RAD52: variants seen among roughly 807,000 people sequenced by gnomAD.
RAD52 encodes the protein RAD52 DNA repair protein.
A neutral mutation model predicts 55.5 loss-of-function variants in RAD52; 47 were observed. That is an observed-to-expected ratio of 0.85 (90% confidence interval 0.67 to 1.08). The LOEUF (loss-of-function observed/expected upper bound fraction) is 1.08. RAD52 is among the 50% of genes least tolerant of loss of function. RAD52 has a pLI of 0.00. For synonymous variants in RAD52, 184 were observed against 198.9 expected (o/e 0.92, Z 0.63); for missense variants, 468 against 522.8 (o/e 0.90, Z 1.02).
At chr12:920,450 A>G (rs572830714) in intron 7 of RAD52, among the ~76,000 whole-genome samples, 19 of 149,030 alleles carry the variant, frequency 1.3e-4, no homozygotes, top group African/African-American at 2.0e-4. Flanking sequence ...CCAGCTACTC[A>G]GGAGGCTGAG....
chr12:991,037 T>C (rs1959183605), upstream of RAD52: 1 of 151,708 alleles, frequency 6.6e-6, no homozygotes, highest in Non-Finnish European at 1.5e-5. Flanking sequence ...TTCCCCCGCT[T>C]CCCAGTTCCT....
At position 916,795 on chromosome 12, in the gene RAD52, T is replaced by G; in HGVS notation, c.569A>C (p.Lys190Thr). Residue 190 changes from lysine (K) to threonine (T), a missense_variant, in exon 8 of 12, where the codon AAA (lysine) becomes ACA (threonine). Coordinates refer to ENST00000358495, the MANE Select transcript of RAD52 (RefSeq NM_134424.4). The part of the protein sequence containing the change: ...RQLPLEVDLT[K>T]AKRQDLEPSV... ...CGGTTCAAGATCTTGTCTCTTCGCT[T>G]TAGTTAAATCCACTTCAAGAGGCAA... The G allele has an allele frequency of 1.2e-6, 2 of 1,611,634 alleles. No individual in the cohort carries two copies. Among genetic ancestry groups the G allele is most frequent in the Non-Finnish European group, 1.7e-6 (2 of 1,177,956 alleles).
intron 1 of RAD52, among the ~76,000 whole-genome samples, chr12:964,873 G>A (rs1179014125): frequency 6.6e-6 from 1 of 151,988 alleles, no homozygotes; most frequent in Admixed American, 6.5e-5. Flanking sequence ...TACCTCCCCA[G>A]CCTCTATGTG....
intron 1 of RAD52, among the ~76,000 whole-genome samples, chr12:980,603 CTT>C (rs71055114): frequency 1.7e-3 from 233 of 140,676 alleles, no homozygotes; most frequent in African/African-American, 1.8e-3. Flanking sequence ...CTCTTTCTTT[CTT>C]TTTTTTTTTT....
chr12:946,283 T>C (rs1381550872), intron 1 of RAD52, among the ~76,000 whole-genome samples: 1 of 152,120 alleles, frequency 6.6e-6, no homozygotes, highest in East Asian at 1.9e-4. Context: ...GCTGCAGAGA[T>C]GGAAAAATAT....
intron 1 of RAD52, among the ~76,000 whole-genome samples, chr12:945,265 C>T (rs963361464): frequency 1.3e-5 from 2 of 151,686 alleles, no homozygotes; most frequent in East Asian, 2.0e-4. Context: ...GCACAAGAAT[C>T]GCTTGAATCC....
intron 1 of RAD52, among the ~76,000 whole-genome samples, chr12:958,045 G>A (rs1406887829): frequency 2.0e-5 from 3 of 152,294 alleles, no homozygotes; most frequent in African/African-American, 7.2e-5. Flanking sequence ...CACTCGCGTG[G>A]CCAGCAAGGA....
At chr12:981,366 A>C (rs148598469) in intron 1 of RAD52, among the ~76,000 whole-genome samples, 2 of 152,052 alleles carry the variant, frequency 1.3e-5, no homozygotes, top group African/African-American at 4.8e-5. Context: ...CACCACAACA[A>C]TAATAAAAAC....
At chr12:941,509 G>A (rs1957919450) in intron 1 of RAD52, among the ~76,000 whole-genome samples, 1 of 151,958 alleles carries the variant, frequency 6.6e-6, no homozygotes, top group East Asian at 1.9e-4. Flanking sequence ...GTAGAGACAG[G>A]GTTTCTCCAT....
chr12:981,140 G>A (rs906078911), intron 1 of RAD52, among the ~76,000 whole-genome samples: 8 of 151,586 alleles, frequency 5.3e-5, no homozygotes, highest in Admixed American at 2.6e-4. Context: ...GACCAGCCTG[G>A]GCAACATGGT....
In RAD52 at chr12:916,347, C is replaced by A; in HGVS notation, c.862G>T (p.Glu288Ter). ...CCTGCTCCCACCCCTCGCTCACCCTCACTCTTCTCAGCTGACGGCGTGGAG... is the reference window on the plus strand; with the variant it reads ...CCTGCTCCCACCCCTCGCTCACCCTAACTCTTCTCAGCTGACGGCGTGGAG... ...RVSTPSAEKS[E>*]AAPPAPPVTH... is the part of the protein sequence containing the mutation. Residue 288 changes from glutamate to a stop codon, truncating the protein, a stop_gained, in exon 9 of 12, where the codon GAG (glutamate) becomes TAG (stop). Transcript: ENST00000358495. LOFTEE classifies it high-confidence loss of function. The A allele has an allele frequency of 6.2e-7, 1 of 1,605,796 alleles. No homozygotes were observed. Among genetic ancestry groups the A allele is most frequent in the Non-Finnish European group, 8.5e-7 (1 of 1,179,940 alleles).
At chr12:913,625 C>T (rs545427259) in intron 11 of RAD52, among the ~76,000 whole-genome samples, 173 bp from the exon 12 acceptor site, 2 of 152,324 alleles carry the variant, frequency 1.3e-5, no homozygotes, top group African/African-American at 4.8e-5. Context: ...GTGCTCATGA[C>T]AGACCTGCTG....
rs958719848 is a variant in RAD52 at position 911,943 on chromosome 12, A to C, written c.*1448T>G. ...GAGCCTGAGGCAGGAGAATTGCTTG[A>C]ATCCTGGCAGGCGGAGGCTGCAATG... On this transcript the variant is annotated 3_prime_UTR_variant, in exon 12 of 12. Coordinates refer to ENST00000358495, the MANE Select transcript of RAD52 (RefSeq NM_134424.4). 22 of 188,140 alleles carry C rather than the reference A, an allele frequency of 1.2e-4. No individual in the cohort carries two copies. The highest frequency in any genetic ancestry group is 2.1e-4 in the Non-Finnish European group (19 of 89,418). 11.7% of individuals were successfully genotyped at this position (188,140 alleles called of 1,614,324 possible).
intron 1 of RAD52, among the ~76,000 whole-genome samples, chr12:934,771 A>G (rs926762518): frequency 3.4e-4 from 51 of 152,140 alleles, no homozygotes; most frequent in Non-Finnish European, 6.2e-4. Flanking sequence ...TCATACCTCA[A>G]AAAAGCTGGG....
intron 7 of RAD52, among the ~76,000 whole-genome samples, chr12:918,506 C>A (rs1297262914): frequency 6.6e-6 from 1 of 152,136 alleles, no homozygotes; most frequent in Non-Finnish European, 1.5e-5. Flanking sequence ...AAATGATTCT[C>A]CCAGCCCAGC....
At chr12:986,186 G>A (rs1321586946) in intron 1 of RAD52, among the ~76,000 whole-genome samples, 6 of 151,406 alleles carry the variant, frequency 4.0e-5, no homozygotes, top group African/African-American at 7.3e-5. Flanking sequence ...CACCTGCCTC[G>A]GCCTCCCAAA....
rs1167284505 is a variant in RAD52 at position 966,458 on chromosome 12, C to CT, written c.-19+23350dup. Among the ~76,000 whole-genome samples, 9 of 152,036 alleles carry CT rather than the reference C, an allele frequency of 5.9e-5. No individual in the cohort carries two copies. The East Asian group carries it at 1.7e-3, about 29-fold the overall frequency. ...AGCAGAAAGATGGGAGCCTGGGCTC[C>CT]TGATAATACAAAAGTCTGCCATGCC... is the stretch of plus-strand genomic sequence containing the variant. On this transcript the variant is annotated intron_variant, in intron 1 of 11. Transcript: ENST00000430095.
intron 1 of RAD52, among the ~76,000 whole-genome samples, chr12:940,289 GA>G (rs1256088437): frequency 1.3e-5 from 2 of 151,740 alleles, no homozygotes; most frequent in African/African-American, 4.8e-5. Flanking sequence ...GGAAGAAGGA[GA>G]AAAAGAATGA....
chr12:946,910 T>C lies in RAD52; in HGVS notation c.-19+2692A>G, dbSNP rs557886299. Among the ~76,000 whole-genome samples the C allele has an allele frequency of 4.6e-5, 7 of 152,344 alleles. 1 individual carries two copies. The highest frequency in any genetic ancestry group is 1.7e-4 in the African/African-American group (7 of 41,578). On this transcript the variant is annotated intron_variant, in intron 1 of 11. Coordinates refer to ENST00000358495, the MANE Select transcript of RAD52 (RefSeq NM_134424.4). ...CAAGATAACACGTTTTGGTGTACAT[T>C]ACACAACAGCAATCTCTGACGGTTT...
Sources: allele counts gnomAD v4.1 joint callset (sites outside exome capture counted in the v4.1 genomes callset), GRCh38; gene constraint gnomAD v4.1.1; transcripts MANE v1.5; gene names NCBI Gene and HGNC (gene_info 2026-07-23, HGNC 2026-07-21).